Variants in RASGRP2 observed in about 807,000 individuals in gnomAD.
RASGRP2 encodes the protein RAS guanyl-releasing protein 2.
RASGRP2 carries 44 observed loss-of-function variants against 71.0 expected under a neutral mutation model. The observed-to-expected ratio is 0.62, with a 90% CI of 0.49 to 0.80. RASGRP2 has a LOEUF of 0.80. Among genes scored for constraint, RASGRP2 ranks in the 30% least tolerant of loss-of-function variants. The pLI is 0.00. For missense variants in RASGRP2, 663 were observed against 813.4 expected, an observed-to-expected ratio of 0.82 and a Z score of 2.25; for synonymous variants, 350 against 330.7, an observed-to-expected ratio of 1.06 and a Z score of -0.63.
chr11:64,735,358 T>C lies in RASGRP2; in HGVS notation c.1297-131A>G. 4 of 1,255,504 alleles carry C rather than the reference T, an allele frequency of 3.2e-6. No individual in the cohort carries two copies. The highest frequency in any genetic ancestry group is 1.5e-5 in the African/African-American group (1 of 67,878). 77.8% of individuals were successfully genotyped at this position (1,255,504 alleles called of 1,614,324 possible). On this transcript the variant is annotated intron_variant, in intron 11 of 16. Coordinates refer to ENST00000394432, the MANE Select transcript of RASGRP2 (RefSeq NM_001098671.2). The surrounding 1 kb of genome is among the most constrained non-coding windows in gnomAD (Gnocchi z 4.2). The stretch of plus-strand genomic sequence containing the variant: ...AGAGAGGTCTCTGACACCACCCCCG[T>C]TCCATACCTCCACCCCCACCCTACC...
rs187918811 is a variant in RASGRP2 at position 64,729,882 on chromosome 11, C to T, written c.1555-84G>A. On this transcript the variant is annotated intron_variant, in intron 13 of 16. Transcript: ENST00000394432. ...TTCCTTCTTGAGGGTGAGACTAGGG[C>T]TTTAGAGCCCGCCTCAGGGCCCCGG... The T allele has an allele frequency of 7.1e-4, 1,133 of 1,587,502 alleles. 10 individuals carry two copies. The East Asian group carries it at 0.017, about 24-fold the overall frequency.
chr11:64,732,144 T>C (rs1291030118), intron 12 of RASGRP2, among the ~76,000 whole-genome samples: 1 of 152,150 alleles, frequency 6.6e-6, no homozygotes, highest in Non-Finnish European at 1.5e-5. Context: ...TGGAAAGATG[T>C]CTGTGATCAA....
rs747492134 is a variant in RASGRP2, at chr11:64,741,489, G to A, written c.189C>T (p.Ser63=). The change falls in exon 4 of 17, where the codon TCC becomes TCT. Residue 63 remains serine (S), a synonymous_variant. Transcript: ENST00000394432. ...AAKLLHIYQQ[S]RKDNSNSLQV... is the part of the protein sequence containing the mutation. The stretch of plus-strand genomic sequence containing the variant: ...GCAGGGAATTGGAGTTGTCCTTCCG[G>A]GATTGTTGGTAGGTGAAGGAGAGGG... 1.9e-6 allele frequency: 3 copies of A among 1,580,652 alleles called. No homozygotes were observed. The highest frequency in any genetic ancestry group is 2.6e-6 in the Non-Finnish European group (3 of 1,161,754).
At position 64,735,383 on chromosome 11, in the gene RASGRP2, C is replaced by G. The variant is rs1592366447; in HGVS notation, c.1297-156G>C. 1.9e-5 allele frequency: 27 copies of G among 1,409,620 alleles called. No homozygotes were observed. The highest frequency in any genetic ancestry group is 4.6e-5 in the East Asian group (2 of 43,672). 87.3% of individuals were successfully genotyped at this position (1,409,620 alleles called of 1,614,324 possible). A position where few individuals can be genotyped will look rare whatever the true frequency, so the allele number is the denominator to read the frequency against. On this transcript the variant is annotated intron_variant, in intron 11 of 16. Transcript: ENST00000394432. The surrounding 1 kb of genome is among the most constrained non-coding windows in gnomAD (Gnocchi z 4.2). The stretch of plus-strand genomic sequence containing the variant: ...TTCCATACCTCCACCCCCACCCTAC[C>G]CAGGGGCACTTCAGCCCCGTGCAGC...
At chr11:64,734,137 C>A (rs2057855750) in intron 12 of RASGRP2, among the ~76,000 whole-genome samples, 1 of 151,784 alleles carries the variant, frequency 6.6e-6, no homozygotes, top group Non-Finnish European at 1.5e-5. Flanking sequence ...CATGGTAAAA[C>A]CCCATCTCTG....
chr11:64,735,467 C>A lies in RASGRP2; in HGVS notation c.1296+75G>T, dbSNP rs191016351. 25 of 1,607,926 alleles carry A rather than the reference C, an allele frequency of 1.6e-5. 1 individual carries two copies. The South Asian group carries it at 2.2e-4, about 14-fold the overall frequency. ...AGTGCTGGGTCTTGAACAGGACACTCGTGCTGGCTTCCAGGGCAGTGCTCC... is the reference window on the plus strand; with the variant it reads ...AGTGCTGGGTCTTGAACAGGACACTAGTGCTGGCTTCCAGGGCAGTGCTCC... On this transcript the variant is annotated intron_variant, in intron 11 of 16. Coordinates refer to ENST00000394432, the MANE Select transcript of RASGRP2 (RefSeq NM_001098671.2). This position sits in a 1 kb window ranked among gnomAD's most constrained non-coding sequence, Gnocchi z 4.2.
In RASGRP2 at chr11:64,739,910, C is replaced by T. The variant is rs537498979; in HGVS notation, c.523-101G>A. The T allele has an allele frequency of 1.4e-5, 23 of 1,605,342 alleles. No homozygotes were observed. The highest frequency in any genetic ancestry group is 3.4e-4 in the Middle Eastern group (2 of 5,948). On this transcript the variant is annotated intron_variant, in intron 6 of 16. Transcript: ENST00000394432. The surrounding 1 kb of genome is among the most constrained non-coding windows in gnomAD (Gnocchi z 4.2). ...GACCTTCAGTGGTTACACTGAAACC[C>T]CTGATGCACCCTGTGACCCAGCCTA...
chr11:64,729,713 C>A (rs552793739), intron 14 of RASGRP2, 49 bp downstream of exon 14: 13 of 1,579,468 alleles, frequency 8.2e-6, no homozygotes, highest in African/African-American at 5.7e-5. Context: ...AACAAACAAA[C>A]AAAAAAAAAA....
rs199561538 is a variant in RASGRP2, at chr11:64,739,337, G to C, written c.813+23C>G. 1 of 1,581,088 alleles carries C rather than the reference G, an allele frequency of 6.3e-7. No individual in the cohort carries two copies. The highest frequency in any genetic ancestry group is 1.7e-4 in the Middle Eastern group (1 of 5,988). On this transcript the variant is annotated intron_variant, in intron 8 of 16. Coordinates refer to ENST00000394432, the MANE Select transcript of RASGRP2 (RefSeq NM_001098671.2). This position sits in a 1 kb window ranked among gnomAD's most constrained non-coding sequence, Gnocchi z 4.2. ...AGTGAAGACAGACCTGGGAAGCACC[G>C]GCCCCTCCCCAGTCCCAGGCACCTT...
rs1298588984 is a variant in RASGRP2, at chr11:64,743,857, G to A, written c.-72+146C>T. 4.9e-6 allele frequency: 2 copies of A among 412,286 alleles called. No homozygotes were observed. The highest frequency in any genetic ancestry group is 6.9e-6 in the Non-Finnish European group (2 of 288,540). 25.5% of individuals were successfully genotyped at this position (412,286 alleles called of 1,614,324 possible). ...CACTCCACACCCAAGTTATTCGTCG[G>A]AGGCCGGGGACCTAAGTGGAGGTGC... On this transcript the variant is annotated intron_variant, in intron 1 of 16. Transcript: ENST00000394432. This position sits in a 1 kb window ranked among gnomAD's most constrained non-coding sequence, Gnocchi z 4.9.
chr11:64,727,170 C>G, intron 16 of RASGRP2, 39 bp from the exon 17 acceptor site: 1 of 780,112 alleles, frequency 1.3e-6, no homozygotes, highest in Non-Finnish European at 2.2e-6. Flanking sequence ...AGACACCCCC[C>G]TAACAACAAG....
rs750735438 is a variant in RASGRP2, at chr11:64,740,978, C to A, written c.341G>T (p.Arg114Leu). The change falls in exon 5 of 17, where the codon CGG (arginine) becomes CTG (leucine). Residue 114 changes from arginine (R) to leucine (L), a missense_variant. Transcript: ENST00000394432. ...KALLDQEGNR[R>L]HSSLIDIDSV... ...GTCTATGTCGATTAGGCTGCTGTGC[C>A]GTCGGTTCCCTTCTTGGTCTAGCAG... is the stretch of plus-strand genomic sequence containing the variant. The A allele has an allele frequency of 3.7e-6, 6 of 1,613,936 alleles. No individual in the cohort carries two copies. The highest frequency in any genetic ancestry group is 4.2e-6 in the Non-Finnish European group (5 of 1,179,992).
Position 64,736,949 on chromosome 11 carries a change from C to T in RASGRP2, c.899G>A (p.Arg300His), listed in dbSNP as rs568335357. The part of the protein sequence containing the change: ...RRRLAACVGF[R>H]FPILGVHLKD... Reference sequence around the variant, plus strand: ...GAGGTGCACACCCAGGATCGGGAAGCGGAAGCCCACACAGGCTGCCAGCCG... The same window carrying T: ...GAGGTGCACACCCAGGATCGGGAAGTGGAAGCCCACACAGGCTGCCAGCCG... The change falls in exon 9 of 17, where the codon CGC (arginine) becomes CAC (histidine). Residue 300 changes from arginine (R) to histidine (H), a missense_variant. Coordinates refer to ENST00000394432, the MANE Select transcript of RASGRP2 (RefSeq NM_001098671.2). 45 of 1,613,898 alleles carry T rather than the reference C, an allele frequency of 2.8e-5. No homozygotes were observed. In the South Asian group the frequency reaches 4.6e-4, roughly 17 times the overall value.
At position 64,727,463 on chromosome 11, in the gene RASGRP2, C is replaced by T. The variant is rs576119341; in HGVS notation, c.1772-103G>A. ...GCATCCACATCATCCCAGAAGCAGACCCACCCACCAAAAATCAATTCCCTG... is the reference window on the plus strand; with the variant it reads ...GCATCCACATCATCCCAGAAGCAGATCCACCCACCAAAAATCAATTCCCTG... On this transcript the variant is annotated intron_variant, in intron 15 of 16. Coordinates refer to ENST00000394432, the MANE Select transcript of RASGRP2 (RefSeq NM_001098671.2). The T allele has an allele frequency of 2.6e-4, 270 of 1,035,904 alleles. 1 individual carries two copies. The African/African-American group carries it at 3.5e-3, about 14-fold the overall frequency. 64.2% of individuals were successfully genotyped at this position (1,035,904 alleles called of 1,614,324 possible). A position where few individuals can be genotyped will look rare whatever the true frequency, so the allele number is the denominator to read the frequency against.
At chr11:64,731,300 G>A (rs1246896556) in intron 12 of RASGRP2, among the ~76,000 whole-genome samples, 2 of 150,916 alleles carry the variant, frequency 1.3e-5, no homozygotes, top group Non-Finnish European at 2.9e-5. Flanking sequence ...AGGTTGCAGC[G>A]AGCCAAGATC....
Position 64,735,229 on chromosome 11 carries a change from T to C in RASGRP2, c.1297-2A>G. On this transcript the variant is annotated splice_acceptor_variant, in intron 11 of 16. Transcript: ENST00000394432. LOFTEE classifies it high-confidence loss of function. This position sits in a 1 kb window ranked among gnomAD's most constrained non-coding sequence, Gnocchi z 4.2. ...GACGTCAAAGTTCCGGAACACAGACTGGGGCACGCAGAGGGACACGCAGAG... is the reference window on the plus strand; with the variant it reads ...GACGTCAAAGTTCCGGAACACAGACCGGGGCACGCAGAGGGACACGCAGAG... 6.2e-7 allele frequency: 1 copy of C among 1,612,124 alleles called. No individual in the cohort carries two copies. Among genetic ancestry groups the C allele is most frequent in the Non-Finnish European group, 8.5e-7 (1 of 1,178,192 alleles).
intron 15 of RASGRP2, 115 bp downstream of exon 15, chr11:64,728,748 A>AT: frequency 2.5e-6 from 3 of 1,180,238 alleles, no homozygotes; most frequent in Non-Finnish European, 3.5e-6. Flanking sequence ...CTTCTTTATT[A>AT]TCCCACCACA....
intron 12 of RASGRP2, among the ~76,000 whole-genome samples, chr11:64,730,720 T>G (rs1372150011): frequency 6.6e-6 from 1 of 152,242 alleles, no homozygotes; most frequent in Non-Finnish European, 1.5e-5. Context: ...AGGGAAAGAA[T>G]GAGCACGTGT....
chr11:64,737,289 A>G lies in RASGRP2; in HGVS notation c.814-255T>C. On this transcript the variant is annotated intron_variant, in intron 8 of 16. Transcript: ENST00000394432. The stretch of plus-strand genomic sequence containing the variant: ...GGATGCAGGGAATCATCAACATTTA[A>G]CAGGAGAAACAGAGGCTCAGGGAGG... 7 of 528,634 alleles carry G rather than the reference A, an allele frequency of 1.3e-5. No homozygotes were observed. The Middle Eastern group carries it at 2.1e-3, about 157-fold the overall frequency. The allele number at this position is 528,634 out of a possible 1,614,324, so 32.7% of individuals were successfully genotyped here.
Sources: gnomAD v4.1 joint callset for allele counts (sites outside exome capture counted in the v4.1 genomes callset) on GRCh38, gnomAD v4.1.1 for gene constraint, Gnocchi (gnomAD v3.1) non-coding constraint, MANE v1.5 for transcripts, NCBI Gene and HGNC (gene_info 2026-07-23, HGNC 2026-07-21) for gene names.